The following VOPP1 variants were observed in gnomAD, a reference collection of about 807,000 sequenced individuals.
VOPP1 encodes the protein VOPP1 WW domain binding protein.
In VOPP1, 8 loss-of-function variants were observed where a neutral mutation model predicts 23.5. The ratio of observed to expected loss-of-function variants is 0.34; its 90% CI spans 0.20 to 0.61. VOPP1 has a LOEUF of 0.61. VOPP1 is among the 20% of genes least tolerant of loss of function. The pLI, the probability that VOPP1 is intolerant of heterozygous loss-of-function variation, is 0.78. For synonymous variants in VOPP1, 83 were observed against 97.3 expected, an observed-to-expected ratio of 0.85 and a Z score of 0.86; for missense variants, 174 against 238.1, an observed-to-expected ratio of 0.73 and a Z score of 1.77.
chr7:55,532,008 T>C (rs1430539375), intron 1 of VOPP1, among the ~76,000 whole-genome samples: 1 of 152,234 alleles, frequency 6.6e-6, no homozygotes, highest in Non-Finnish European at 1.5e-5. Context: ...TGCCAAAAAA[T>C]GCATAAGGAT....
intron 1 of VOPP1, chr7:55,552,768 G>C: frequency 2.0e-6 from 3 of 1,528,718 alleles, no homozygotes; most frequent in Non-Finnish European, 2.6e-6. Flanking sequence ...CAGAGAGGCA[G>C]CAAGTGGAGC....
intron 2 of VOPP1, among the ~76,000 whole-genome samples, chr7:55,499,162 G>A (rs1794188388): frequency 6.6e-6 from 1 of 152,032 alleles, no homozygotes; most frequent in Non-Finnish European, 1.5e-5. Flanking sequence ...CAAGAATGTT[G>A]CTGGTCCTGG....
intron 4 of VOPP1, among the ~76,000 whole-genome samples, chr7:55,451,979 G>A (rs962260474): frequency 3.3e-5 from 5 of 152,116 alleles, no homozygotes; most frequent in African/African-American, 7.2e-5. Context: ...GAAGTCTGCC[G>A]CATTGATTGA....
chr7:55,504,588 G>A (rs894525949), intron 2 of VOPP1, among the ~76,000 whole-genome samples: 6 of 152,222 alleles, frequency 3.9e-5, no homozygotes, highest in Non-Finnish European at 7.3e-5. Flanking sequence ...AACCTGCCCA[G>A]GCAGACGCTG....
At chr7:55,522,332 C>CT (rs1795921086) in intron 1 of VOPP1, among the ~76,000 whole-genome samples, 1 of 152,196 alleles carries the variant, frequency 6.6e-6, no homozygotes, top group African/African-American at 2.4e-5. Flanking sequence ...GGAGAATGTG[C>CT]TTTAAGACAC....
At chr7:55,457,064 C>A (rs1791384918) in intron 4 of VOPP1, among the ~76,000 whole-genome samples, 1 of 152,166 alleles carries the variant, frequency 6.6e-6, no homozygotes, top group Non-Finnish European at 1.5e-5. Flanking sequence ...CATCAACCAA[C>A]CTCTCTTCGT....
intron 4 of VOPP1, among the ~76,000 whole-genome samples, chr7:55,439,515 A>C (rs558998502): frequency 4.4e-4 from 67 of 152,236 alleles, no homozygotes; most frequent in African/African-American, 1.5e-3. Context: ...AAATAACAGG[A>C]TGTTTGTAAT....
intron 4 of VOPP1, among the ~76,000 whole-genome samples, chr7:55,482,482 ATTTTT>A (rs71031859): frequency 1.3e-4 from 17 of 132,832 alleles, no homozygotes; most frequent in African/African-American, 5.0e-4. Flanking sequence ...CACCTGGCTA[ATTTTT>A]TTTTTTTTTT....
intron 1 of VOPP1, among the ~76,000 whole-genome samples, chr7:55,551,633 G>A (rs1797609548): frequency 6.6e-6 from 1 of 152,196 alleles, no homozygotes; most frequent in African/African-American, 2.4e-5. Flanking sequence ...TCCAAGTGGG[G>A]AAGGGTTCAA....
chr7:55,455,897 A>T (rs962752613), intron 4 of VOPP1, among the ~76,000 whole-genome samples: 2 of 152,230 alleles, frequency 1.3e-5, no homozygotes, highest in Non-Finnish European at 2.9e-5. Context: ...GCATGGGCAA[A>T]GACTTCATGA....
chr7:55,466,508 A>G (rs1791634816), downstream of VOPP1, among the ~76,000 whole-genome samples: 2 of 152,138 alleles, frequency 1.3e-5, no homozygotes, highest in Admixed American at 1.3e-4. Flanking sequence ...TCGGGGACTG[A>G]GGGGGGAAAC....
At chr7:55,474,421 G>A (rs1158998248) in intron 4 of VOPP1, among the ~76,000 whole-genome samples, 1 of 152,252 alleles carries the variant, frequency 6.6e-6, no homozygotes, top group Non-Finnish European at 1.5e-5. Flanking sequence ...AAGACATTAT[G>A]AAGGCTTCTG....
intron 1 of VOPP1, among the ~76,000 whole-genome samples, chr7:55,546,008 G>A (rs1052895193): frequency 5.3e-5 from 8 of 152,200 alleles, no homozygotes; most frequent in South Asian, 4.2e-4. Flanking sequence ...TCAAGGTTGC[G>A]ATGAGCCGTG....
intron 1 of VOPP1, among the ~76,000 whole-genome samples, chr7:55,531,384 G>C (rs535382505): frequency 7.1e-6 from 1 of 140,502 alleles, no homozygotes; most frequent in African/African-American, 2.6e-5. Flanking sequence ...GAGTCTCGCT[G>C]TGTCGCCCAT....
intron 1 of VOPP1, among the ~76,000 whole-genome samples, chr7:55,556,854 C>T (rs956404578): frequency 6.6e-6 from 1 of 152,162 alleles, no homozygotes; most frequent in African/African-American, 2.4e-5. Flanking sequence ...TGCCCTGCTT[C>T]GCTTAGACCA....
chr7:55,493,517 T>C (rs1163729199), intron 3 of VOPP1, among the ~76,000 whole-genome samples: 2 of 152,230 alleles, frequency 1.3e-5, no homozygotes, highest in Non-Finnish European at 2.9e-5. Context: ...CTGGATAATC[T>C]TGGAAGGCTG....
intron 3 of VOPP1, among the ~76,000 whole-genome samples, chr7:55,493,856 CTATTT>C (rs1224285813): frequency 1.3e-5 from 2 of 152,150 alleles, no homozygotes; most frequent in Admixed American, 6.5e-5. Context: ...ATATAATTTA[CTATTT>C]TAATCATTTT....
chr7:55,501,135 A>G (rs1562931801), intron 2 of VOPP1, among the ~76,000 whole-genome samples: 1 of 152,266 alleles, frequency 6.6e-6, no homozygotes. Context: ...TTCAGCTTGG[A>G]ACTGCATACT....
chr7:55,509,712 C>T (rs1794950427), intron 2 of VOPP1, among the ~76,000 whole-genome samples: 1 of 152,210 alleles, frequency 6.6e-6, no homozygotes, highest in African/African-American at 2.4e-5. Flanking sequence ...GCTCCATTTC[C>T]TGGGTATTCT....
Sources: gnomAD v4.1 joint callset for allele counts (sites outside exome capture counted in the v4.1 genomes callset) on GRCh38, gnomAD v4.1.1 for gene constraint, MANE v1.5 for transcripts, NCBI Gene and HGNC (gene_info 2026-07-23, HGNC 2026-07-21) for gene names.